Variants in RPL11 observed in about 807,000 individuals in gnomAD.
RPL11 encodes ribosomal protein L11, also known as large ribosomal subunit protein uL5.
A neutral mutation model predicts 24.1 loss-of-function variants in RPL11; 3 were observed. That is an observed-to-expected ratio of 0.12 (90% CI 0.06 to 0.32). The LOEUF (loss-of-function observed/expected upper bound fraction) is 0.32, where lower values mean the gene tolerates loss of function less well. RPL11 is among the 10% of genes least tolerant of loss of function. The probability of loss-of-function intolerance (pLI) is 1.00; values close to 1 mark genes in which losing one functional copy is unlikely to be tolerated. For synonymous variants in RPL11, 96 were observed against 75.7 expected (o/e 1.27, Z -1.39); for missense variants, 146 against 225.7 (o/e 0.65, Z 2.26).
rs376826360 is a variant in RPL11, at chr1:23,691,843, A to T, written c.6+14A>T. 1.9e-6 allele frequency: 3 copies of T among 1,613,994 alleles called. No individual in the cohort carries two copies. The highest frequency in any genetic ancestry group is 1.7e-5 in the Admixed American group (1 of 59,996). ...TCCATCATGGCGGTGAGTAGCTGGG[A>T]CCTGGATTTGCTTTCCTTTATCCGT... On this transcript the variant is annotated intron_variant, in intron 1 of 5. Transcript: ENST00000643754.
At position 23,696,780 on chromosome 1, in the gene RPL11, TGAAG is replaced by T. The variant is rs1409990029; in HGVS notation, c.*411_*414del. 2 of 280,428 alleles carry T rather than the reference TGAAG, an allele frequency of 7.1e-6. No individual in the cohort carries two copies. The highest frequency in any genetic ancestry group is 1.4e-5 in the Non-Finnish European group (2 of 145,352). The allele number at this position is 280,428 out of a possible 1,614,324, so 17.4% of individuals were successfully genotyped here. A position where few individuals can be genotyped will look rare whatever the true frequency, so the allele number is the denominator to read the frequency against. ...AAATTTTATCAGCATTGATGCGTCA[TGAAG>T]GAATGACAGGCTTTGGTGTGATGGT... is the stretch of plus-strand genomic sequence containing the variant. On this transcript the variant is annotated 3_prime_UTR_variant, in exon 6 of 6. Transcript: ENST00000643754.
In RPL11 at chr1:23,692,635, C is replaced by T. The variant is rs764637448; in HGVS notation, c.33C>T (p.Pro11=). MAQDQGEKEN[P]MRELRIRKLC... is the part of the protein sequence containing the mutation. ...AGGATCAAGGTGAAAAGGAGAACCC[C>T]ATGCGGGAACTTCGCATCCGCAAAC... Residue 11 remains proline, a synonymous_variant, in exon 2 of 6, where the codon CCC becomes CCT. Coordinates refer to ENST00000643754, the MANE Select transcript of RPL11 (RefSeq NM_000975.5). 13 of 1,614,034 alleles carry T rather than the reference C, an allele frequency of 8.1e-6. No homozygotes were observed. Among genetic ancestry groups the T allele is most frequent in the Admixed American group, 3.3e-5 (2 of 60,002 alleles).
chr1:23,692,834 G>A (rs1388702230), intron 2 of RPL11, 75 bp downstream of exon 2: 1 of 1,587,338 alleles, frequency 6.3e-7, no homozygotes, highest in African/African-American at 1.3e-5. Context: ...CTGCTGTCGA[G>A]TCTGTTTAGA....
intron 4 of RPL11, 21 bp downstream of exon 4, chr1:23,694,812 C>G (rs765071374): frequency 1.9e-6 from 3 of 1,614,102 alleles, no homozygotes; most frequent in East Asian, 2.2e-5. Context: ...TTAATCTTTT[C>G]CCGCTCCTGG....
chr1:23,694,924 T>A, intron 4 of RPL11, 133 bp downstream of exon 4: 3 of 1,404,680 alleles, frequency 2.1e-6, no homozygotes, highest in Non-Finnish European at 3.0e-6. Flanking sequence ...CTCCTCCCCC[T>A]TGGGGAAATG....
intron 4 of RPL11, chr1:23,695,017 A>T: frequency 1.6e-6 from 1 of 623,114 alleles, no homozygotes; most frequent in Non-Finnish European, 2.8e-6. Flanking sequence ...GCAGTCGAGG[A>T]TCTGTAAAGC....
At chr1:23,695,614 C>A (rs10799803) in intron 4 of RPL11, 184 bp from the exon 5 acceptor site, 1 of 649,310 alleles carries the variant, frequency 1.5e-6, no homozygotes, top group Non-Finnish European at 2.8e-6. Context: ...AGCAAACTTA[C>A]AGTATGGCTG....
intron 3 of RPL11, 117 bp downstream of exon 3, chr1:23,694,030 C>T: frequency 2.4e-6 from 2 of 824,118 alleles, no homozygotes; most frequent in Non-Finnish European, 4.1e-6. Context: ...ACTTAAGCTT[C>T]TAAAAGGCTT....
chr1:23,692,075 G>A, intron 1 of RPL11: 1 of 603,422 alleles, frequency 1.7e-6, no homozygotes, highest in Non-Finnish European at 2.9e-6. Flanking sequence ...GGAGGCTGCA[G>A]CGGGGGCAGA....
intron 2 of RPL11, among the ~76,000 whole-genome samples, chr1:23,693,581 G>T (rs1364510663): frequency 6.6e-6 from 1 of 152,212 alleles, no homozygotes; most frequent in Non-Finnish European, 1.5e-5. Flanking sequence ...CGTTATGACT[G>T]TTCTTAACTG....
intron 1 of RPL11, chr1:23,692,399 T>C: frequency 1.7e-6 from 1 of 587,522 alleles, no homozygotes; most frequent in Non-Finnish European, 3.0e-6. Context: ...TGTCCTGAGT[T>C]TTCTCTTCAC....
At chr1:23,692,514 G>A (rs1437153092) in intron 1 of RPL11, 95 bp from the exon 2 acceptor site, 1 of 1,514,104 alleles carries the variant, frequency 6.6e-7, no homozygotes. Context: ...TACGATTTGG[G>A]ATGAGCAGAA....
intron 5 of RPL11, 60 bp downstream of exon 5, chr1:23,695,968 A>T: frequency 6.7e-7 from 1 of 1,488,462 alleles, no homozygotes; most frequent in South Asian, 1.2e-5. Context: ...TGGAGTTGGG[A>T]TTTGGGGATG....
intron 2 of RPL11, 45 bp downstream of exon 2, chr1:23,692,804 T>G (rs1175827682): frequency 6.2e-7 from 1 of 1,611,144 alleles, no homozygotes; most frequent in Non-Finnish European, 8.5e-7. Flanking sequence ...CTTGGGTCGC[T>G]TGGTTGTTTC....
chr1:23,692,475 T>C, intron 1 of RPL11, 134 bp from the exon 2 acceptor site: 2 of 1,164,854 alleles, frequency 1.7e-6, no homozygotes, highest in Admixed American at 1.8e-5. Context: ...CCCTAAACAT[T>C]ATACCTTTTA....
At chr1:23,693,518 A>G (rs772836695) in intron 2 of RPL11, among the ~76,000 whole-genome samples, 21 of 152,204 alleles carry the variant, frequency 1.4e-4, no homozygotes, top group Non-Finnish European at 2.9e-4. Flanking sequence ...TAATCTTACT[A>G]GTGGCTTCTT....
chr1:23,695,581 G>C (rs1355198765), intron 4 of RPL11: 4 of 593,100 alleles, frequency 6.7e-6, no homozygotes, highest in Admixed American at 2.5e-5. Context: ...GGTTAGGGGG[G>C]TGCTGAAAGT....
At chr1:23,695,650 G>A in intron 4 of RPL11, 148 bp from the exon 5 acceptor site, 1 of 767,732 alleles carries the variant, frequency 1.3e-6, no homozygotes. Context: ...GCTGGTGGCA[G>A]CTTTGTCAGA....
chr1:23,696,207 C>T (rs1436541643), intron 5 of RPL11, 137 bp from the exon 6 acceptor site: 8 of 864,744 alleles, frequency 9.3e-6, no homozygotes, highest in East Asian at 2.6e-5. Context: ...AGCCAGCTTC[C>T]TATTTAGTCC....
Sources: gnomAD v4.1 joint callset for allele counts (sites outside exome capture counted in the v4.1 genomes callset) on GRCh38, gnomAD v4.1.1 for gene constraint, MANE v1.5 for transcripts, NCBI Gene and HGNC (gene_info 2026-07-23, HGNC 2026-07-21) for gene names.